SBF2: variants seen among roughly 807,000 people sequenced by gnomAD.
SBF2 encodes SET binding factor 2, also known as myotubularin-related protein 13.
In SBF2, 112 loss-of-function variants were observed where a neutral mutation model predicts 225.2. That is an observed-to-expected ratio of 0.50 (90% CI 0.43 to 0.58). The LOEUF (loss-of-function observed/expected upper bound fraction) is 0.58, where lower values mean the gene tolerates loss of function less well. Ranked by LOEUF, SBF2 falls within the 20% of genes least tolerant of loss-of-function variation. The pLI is 0.00. For synonymous variants in SBF2, 763 were observed against 773.3 expected (o/e 0.99, Z 0.22); for missense variants, 1,996 against 2,206.2 (o/e 0.90, Z 1.91).
chr11:9,988,912 G>C (rs1947303287), intron 13 of SBF2, among the ~76,000 whole-genome samples: 2 of 152,166 alleles, frequency 1.3e-5, no homozygotes, highest in African/African-American at 4.8e-5. Context: ...GTTTCACCCA[G>C]AGGAAAAGAA....
chr11:9,804,755 G>GTCTT (rs1336657901), intron 32 of SBF2, among the ~76,000 whole-genome samples: 1 of 152,222 alleles, frequency 6.6e-6, no homozygotes, highest in African/African-American at 2.4e-5. Context: ...AGATTGGTCA[G>GTCTT]TCTTTGTAAT....
chr11:10,028,165 C>T (rs888778215), intron 6 of SBF2, among the ~76,000 whole-genome samples: 11 of 152,034 alleles, frequency 7.2e-5, no homozygotes, highest in African/African-American at 1.4e-4. Context: ...CCTCCTGCCT[C>T]GGCCTCCCAA....
At chr11:9,785,953 G>A (rs1008424010) in intron 36 of SBF2, among the ~76,000 whole-genome samples, 1 of 152,054 alleles carries the variant, frequency 6.6e-6, no homozygotes, top group Non-Finnish European at 1.5e-5. Flanking sequence ...TGCAACCTCT[G>A]CCTGCTGGGT....
At chr11:10,225,270 G>T (rs577504040) in intron 1 of SBF2, among the ~76,000 whole-genome samples, 1 of 151,620 alleles carries the variant, frequency 6.6e-6, no homozygotes, top group East Asian at 1.9e-4. Context: ...AATATTATTG[G>T]TATTTAACTG....
chr11:9,798,963 A>AC (rs1433511741), intron 32 of SBF2, among the ~76,000 whole-genome samples: 1 of 151,304 alleles, frequency 6.6e-6, no homozygotes, highest in Non-Finnish European at 1.5e-5. Context: ...AAAAAAAAAA[A>AC]AACCAAAAAA....
chr11:10,257,954 C>G (rs1312327013), intron 1 of SBF2, among the ~76,000 whole-genome samples: 1 of 151,736 alleles, frequency 6.6e-6, no homozygotes, highest in Non-Finnish European at 1.5e-5. Flanking sequence ...AAGACTGTCT[C>G]AAAAAAATAA....
Position 10,111,737 on chromosome 11 carries a change from C to T in SBF2, c.142-68756G>A, listed in dbSNP as rs149566147. On this transcript the variant is annotated intron_variant, in intron 2 of 39. Coordinates refer to ENST00000256190, the MANE Select transcript of SBF2 (RefSeq NM_030962.4). ...CTAAAAATATGAAAAATTAGCTGGG[C>T]GCGGTGGCGCACGCCTGTAATCCCA... Among the ~76,000 whole-genome samples the T allele has an allele frequency of 6.6e-4, 100 of 152,138 alleles. 1 individual carries two copies. Among genetic ancestry groups the T allele is most frequent in the African/African-American group, 2.3e-3 (94 of 41,502 alleles).
intron 17 of SBF2, among the ~76,000 whole-genome samples, chr11:9,883,093 C>T (rs553699157): frequency 6.6e-6 from 1 of 152,036 alleles, no homozygotes; most frequent in East Asian, 1.9e-4. Flanking sequence ...GAGATTATGC[C>T]TCTGCACTCC....
At chr11:9,909,432 G>A (rs1376942339) in intron 16 of SBF2, among the ~76,000 whole-genome samples, 1 of 152,092 alleles carries the variant, frequency 6.6e-6, no homozygotes, top group Non-Finnish European at 1.5e-5. Flanking sequence ...AGCACTTTGG[G>A]AGGCCGAGGC....
At chr11:9,796,178 ATAATCTCATT>A (rs772038438) in intron 32 of SBF2, among the ~76,000 whole-genome samples, 1 of 151,938 alleles carries the variant, frequency 6.6e-6, no homozygotes, top group Non-Finnish European at 1.5e-5. Context: ...TTAAATAAAC[ATAATCTCATT>A]TAATCTCTAC....
intron 1 of SBF2, among the ~76,000 whole-genome samples, chr11:10,214,874 A>T (rs1288870968): frequency 6.6e-6 from 1 of 152,190 alleles, no homozygotes; most frequent in Non-Finnish European, 1.5e-5. Context: ...AGGTAGTTTA[A>T]GCAAAAAGGG....
In SBF2 at chr11:9,844,256, T is replaced by C. The variant is rs186107919; in HGVS notation, c.3110+1309A>G. Among the ~76,000 whole-genome samples, 507 of 152,274 alleles carry C rather than the reference T, an allele frequency of 3.3e-3. 3 individuals carry two copies. Among genetic ancestry groups the C allele is most frequent in the South Asian group, 5.2e-3 (25 of 4,826 alleles). On this transcript the variant is annotated intron_variant, in intron 24 of 39. Coordinates refer to ENST00000256190, the MANE Select transcript of SBF2 (RefSeq NM_030962.4). ...TACCTGGTAAGCAAAGCTAGACAGG[T>C]GGCTAGCTGTGCAACTGAGAAATAA...
chr11:9,846,186 C>T (rs1210187598), intron 23 of SBF2, among the ~76,000 whole-genome samples: 1 of 152,192 alleles, frequency 6.6e-6, no homozygotes, highest in Non-Finnish European at 1.5e-5. Flanking sequence ...GTAGTCGGGA[C>T]AGTGAGGAAA....
intron 1 of SBF2, among the ~76,000 whole-genome samples, chr11:10,240,487 T>C (rs1469504485): frequency 2.0e-5 from 3 of 152,192 alleles, no homozygotes; most frequent in Non-Finnish European, 4.4e-5. Context: ...TCAGTTTTCA[T>C]GTCCAACACA....
At chr11:10,261,530 G>A (rs1961431648) in intron 1 of SBF2, among the ~76,000 whole-genome samples, 1 of 152,182 alleles carries the variant, frequency 6.6e-6, no homozygotes, top group South Asian at 2.1e-4. Flanking sequence ...ATTGTCGGTG[G>A]AGACATAAGA....
intron 16 of SBF2, among the ~76,000 whole-genome samples, chr11:9,902,563 TC>T (rs1290291767): frequency 6.6e-6 from 1 of 152,208 alleles, no homozygotes; most frequent in Non-Finnish European, 1.5e-5. Flanking sequence ...AGAATAAGCC[TC>T]TTTAAAATAT....
intron 2 of SBF2, among the ~76,000 whole-genome samples, chr11:10,079,762 A>G (rs1278718477): frequency 1.3e-5 from 2 of 152,154 alleles, no homozygotes; most frequent in Non-Finnish European, 2.9e-5. Flanking sequence ...ACATTGCAAG[A>G]AAGAACTCAC....
At chr11:9,935,211 C>G (rs1358038581) in intron 16 of SBF2, among the ~76,000 whole-genome samples, 1 of 152,034 alleles carries the variant, frequency 6.6e-6, no homozygotes, top group Non-Finnish European at 1.5e-5. Flanking sequence ...ACAATTGCTA[C>G]TAAGAGAATA....
chr11:10,248,150 C>G (rs1336975480), intron 1 of SBF2, among the ~76,000 whole-genome samples: 1 of 152,068 alleles, frequency 6.6e-6, no homozygotes, highest in East Asian at 1.9e-4. Flanking sequence ...TGCCCCCTAG[C>G]TAGGCAAAGA....
Sources: gnomAD v4.1 joint callset for allele counts (sites outside exome capture counted in the v4.1 genomes callset) on GRCh38, gnomAD v4.1.1 for gene constraint, MANE v1.5 for transcripts, NCBI Gene and HGNC (gene_info 2026-07-23, HGNC 2026-07-21) for gene names.